PDE3B: variants seen among roughly 807,000 people sequenced by gnomAD.
The protein encoded by PDE3B is cGMP-inhibited 3',5'-cyclic phosphodiesterase 3B.
Under a neutral mutation model 116.8 loss-of-function variants are expected in PDE3B, and 66 were observed. That is an observed-to-expected ratio of 0.56 (90% CI 0.46 to 0.69). The LOEUF (loss-of-function observed/expected upper bound fraction) is 0.69, where lower values mean the gene tolerates loss of function less well. Ranked by LOEUF, PDE3B falls within the 30% of genes least tolerant of loss-of-function variation. The probability of loss-of-function intolerance (pLI) is 0.00; values close to 1 mark genes in which losing one functional copy is unlikely to be tolerated. For synonymous variants in PDE3B, 595 were observed against 533.6 expected (o/e 1.12, Z -1.59); for missense variants, 1,384 against 1,368.1 (o/e 1.01, Z -0.18).
chr11:14,763,108 G>A (rs1857406502), intron 1 of PDE3B, among the ~76,000 whole-genome samples: 1 of 152,090 alleles, frequency 6.6e-6, no homozygotes, highest in Non-Finnish European at 1.5e-5. Context: ...GGGCAGTGGG[G>A]GTCACAGCAA....
At chr11:14,714,539 C>CAAAAA (rs759855381) in intron 1 of PDE3B, among the ~76,000 whole-genome samples, 1 of 76,140 alleles carries the variant, frequency 1.3e-5, no homozygotes, top group Non-Finnish European at 2.6e-5. Flanking sequence ...AACCCTGTCT[C>CAAAAA]AAAAAAAAAA....
chr11:14,867,428 CAAGATAATTTT>C (rs1423056338), intron 14 of PDE3B, 67 bp from the exon 15 acceptor site: 1 of 1,261,608 alleles, frequency 7.9e-7, no homozygotes, highest in Admixed American at 2.3e-5. Context: ...TAAAAAAACT[CAAGATAATTTT>C]AACAGCAAAG....
rs1362272436 is a variant in PDE3B at position 14,643,886 on chromosome 11, C to T, written c.-190C>T. 5 of 789,790 alleles carry T rather than the reference C, an allele frequency of 6.3e-6. No individual in the cohort carries two copies. The highest frequency in any genetic ancestry group is 1.8e-5 in the African/African-American group (1 of 54,532). The allele number at this position is 789,790 out of a possible 1,614,324, so 48.9% of individuals were successfully genotyped here. ...AGCCCCTTCCGCCCCTCTCCTCAGC[C>T]AGCATGTCCCGGACTCCGCCGCTCC... is the stretch of plus-strand genomic sequence containing the variant. On this transcript the variant is annotated 5_prime_UTR_variant, in exon 1 of 16. Coordinates refer to ENST00000282096, the MANE Select transcript of PDE3B (RefSeq NM_000922.4).
In PDE3B at chr11:14,861,216, A is replaced by G; in HGVS notation, c.2736A>G (p.Val912=). ...TTTTTCCAAAATAGGCAAATGATGT[A>G]AATAGTAATGGCATAGAATGGAGTA... is the stretch of plus-strand genomic sequence containing the variant. ...LAEFNAKAND[V]NSNGIEWSNE... The change falls in exon 14 of 16, where the codon GTA becomes GTG. Residue 912 remains valine, a synonymous_variant. Transcript: ENST00000282096. 6.2e-7 allele frequency: 1 copy of G among 1,611,436 alleles called. No individual in the cohort carries two copies. The highest frequency in any genetic ancestry group is 8.5e-7 in the Non-Finnish European group (1 of 1,178,232).
rs766193300 is a variant in PDE3B, at chr11:14,674,290, G to A, written c.978+29237G>A. On this transcript the variant is annotated intron_variant, in intron 1 of 15. Coordinates refer to ENST00000282096, the MANE Select transcript of PDE3B (RefSeq NM_000922.4). ...CTTCTTTCCTGGGGCAGCCCCTATC[G>A]TCTTCCCCTCTGCATACTGCTCCTG... The A allele has an allele frequency of 6.1e-5, 65 of 1,067,536 alleles. 1 individual carries two copies. The highest frequency in any genetic ancestry group is 7.7e-5 in the Non-Finnish European group (53 of 690,410). The allele number at this position is 1,067,536 out of a possible 1,614,324, so 66.1% of individuals were successfully genotyped here.
At chr11:14,782,676 A>G (rs905626948) in intron 2 of PDE3B, among the ~76,000 whole-genome samples, 3 of 152,226 alleles carry the variant, frequency 2.0e-5, no homozygotes, top group Non-Finnish European at 2.9e-5. Flanking sequence ...AACCTAGGCA[A>G]TACCATTCAA....
chr11:14,743,455 G>A (rs898391228), intron 1 of PDE3B, among the ~76,000 whole-genome samples: 1 of 152,206 alleles, frequency 6.6e-6, no homozygotes, highest in African/African-American at 2.4e-5. Flanking sequence ...CTGCTGTGCT[G>A]GCAGCAAGAA....
chr11:14,845,696 A>G (rs560694291), intron 12 of PDE3B, among the ~76,000 whole-genome samples: 1 of 152,380 alleles, frequency 6.6e-6, no homozygotes, highest in East Asian at 1.9e-4. Flanking sequence ...AAGAATGCAG[A>G]AGCCTCAGGA....
At position 14,810,414 on chromosome 11, in the gene PDE3B, A is replaced by G. The variant is rs1294452396; in HGVS notation, c.1522+6364A>G. Among the ~76,000 whole-genome samples the G allele has an allele frequency of 3.3e-5, 5 of 149,282 alleles. No homozygotes were observed. The South Asian group carries it at 8.4e-4, about 25-fold the overall frequency. ...TTCCCACCTACAAGTGAGAATATGC[A>G]GTGTTTGGTTTTTTGTTCTTGCGAT... On this transcript the variant is annotated intron_variant, in intron 5 of 15. Transcript: ENST00000282096.
chr11:14,885,797 T>C, the PDE3B span: 2 of 1,613,002 alleles, frequency 1.2e-6, no homozygotes, highest in Non-Finnish European at 1.7e-6. Flanking sequence ...GTCATCTTCA[T>C]GAATAAAGGA....
intron 1 of PDE3B, among the ~76,000 whole-genome samples, chr11:14,721,936 A>T (rs1217640645): frequency 2.0e-5 from 3 of 147,802 alleles, no homozygotes; most frequent in African/African-American, 7.5e-5. Flanking sequence ...TAAAAAAAAA[A>T]AAAAAGAAAA....
At chr11:14,756,382 G>C (rs1387364310) in intron 1 of PDE3B, among the ~76,000 whole-genome samples, 1 of 152,144 alleles carries the variant, frequency 6.6e-6, no homozygotes, top group Non-Finnish European at 1.5e-5. Context: ...TGCCATCGAA[G>C]CCTAAAGAGA....
At chr11:14,666,502 C>T (rs1439962331) in intron 1 of PDE3B, among the ~76,000 whole-genome samples, 1 of 149,436 alleles carries the variant, frequency 6.7e-6, no homozygotes, top group Non-Finnish European at 1.5e-5. Flanking sequence ...AGGCAACCTA[C>T]AAAATGGGAG....
intron 1 of PDE3B, among the ~76,000 whole-genome samples, chr11:14,711,876 A>G (rs1473261584): frequency 1.3e-5 from 2 of 152,216 alleles, no homozygotes; most frequent in Non-Finnish European, 2.9e-5. Flanking sequence ...ATTCACTTGG[A>G]AGTTTGCAAT....
chr11:14,767,572 A>T (rs1321903878), intron 1 of PDE3B, among the ~76,000 whole-genome samples: 1 of 151,510 alleles, frequency 6.6e-6, no homozygotes, highest in Non-Finnish European at 1.5e-5. Flanking sequence ...CAAATTTAAA[A>T]GATATAAATA....
chr11:14,715,658 C>T (rs1223293549), intron 1 of PDE3B, among the ~76,000 whole-genome samples: 1 of 152,168 alleles, frequency 6.6e-6, no homozygotes, highest in Non-Finnish European at 1.5e-5. Context: ...AGATTTTGGG[C>T]TGAGACGATG....
intron 1 of PDE3B, among the ~76,000 whole-genome samples, chr11:14,721,930 A>T (rs1590089159): frequency 6.7e-6 from 1 of 149,792 alleles, no homozygotes; most frequent in South Asian, 2.1e-4. Flanking sequence ...TATAATTAAA[A>T]AAAAAAAAAA....
At chr11:14,853,937 G>A (rs1847802602) in intron 12 of PDE3B, among the ~76,000 whole-genome samples, 1 of 152,148 alleles carries the variant, frequency 6.6e-6, no homozygotes, top group East Asian at 1.9e-4. Flanking sequence ...ATTTTTAAAT[G>A]TTTTGTCTTC....
intron 1 of PDE3B, chr11:14,673,542 T>A (rs1854437653): frequency 2.2e-6 from 1 of 444,622 alleles, no homozygotes; most frequent in African/African-American, 2.0e-5. Flanking sequence ...AACAAAAATG[T>A]GTTTACAGAG....
Sources: allele counts gnomAD v4.1 joint callset (sites outside exome capture counted in the v4.1 genomes callset), GRCh38; gene constraint gnomAD v4.1.1; transcripts MANE v1.5; gene names NCBI Gene and HGNC (gene_info 2026-07-23, HGNC 2026-07-21).